Variants in SLC36A1 observed in about 807,000 individuals in gnomAD.
The protein encoded by SLC36A1 is solute carrier family 36 member 1, also known as proton-coupled amino acid transporter 1.
In SLC36A1, 30 loss-of-function variants were observed where a neutral mutation model predicts 47.5. The observed-to-expected ratio is 0.63, with a 90% CI of 0.47 to 0.86. SLC36A1 has a LOEUF of 0.86. Among genes scored for constraint, SLC36A1 ranks in the 40% least tolerant of loss-of-function variants. The pLI, the probability that SLC36A1 is intolerant of heterozygous loss-of-function variation, is 0.00. For missense variants in SLC36A1, 517 were observed against 606.0 expected (o/e 0.85, Z 1.54); for synonymous variants, 255 against 249.7 (o/e 1.02, Z -0.20).
intron 7 of SLC36A1, among the ~76,000 whole-genome samples, chr5:151,470,535 A>C (rs1414447682): frequency 6.6e-6 from 1 of 152,198 alleles, no homozygotes; most frequent in African/African-American, 2.4e-5. Context: ...GCTGTGATCA[A>C]ATAGTGCCGT....
chr5:151,538,648 A>G, the SLC36A1 span, among the ~76,000 whole-genome samples: 2 of 152,170 alleles, frequency 1.3e-5, no homozygotes, highest in South Asian at 2.1e-4. Flanking sequence ...ATGGACCCCT[A>G]CATGCCCTGG....
At chr5:151,353,796 A>C in the SLC36A1 span, among the ~76,000 whole-genome samples, 1 of 152,202 alleles carries the variant, frequency 6.6e-6, no homozygotes, top group South Asian at 2.1e-4. Flanking sequence ...CCAGAATGTC[A>C]TACAGCTAGA....
In SLC36A1 at chr5:151,488,567, C is replaced by T. The variant is rs879135402; in HGVS notation, c.*313C>T. On this transcript the variant is annotated 3_prime_UTR_variant, in exon 11 of 11. Transcript: ENST00000243389. The stretch of plus-strand genomic sequence containing the variant: ...CTGCCTCCCCTCTGCTGGTGCACCT[C>T]GCCCAACTCATTCTTACTGCACAGT... The T allele has an allele frequency of 5.0e-6, 2 of 398,294 alleles. No homozygotes were observed. Among genetic ancestry groups the T allele is most frequent in the Non-Finnish European group, 9.3e-6 (2 of 215,584 alleles). 24.7% of individuals were successfully genotyped at this position (398,294 alleles called of 1,614,324 possible).
chr5:151,500,619 C>T, the SLC36A1 span, among the ~76,000 whole-genome samples: 2 of 152,210 alleles, frequency 1.3e-5, no homozygotes, highest in Admixed American at 6.5e-5. Flanking sequence ...CCAACCACCT[C>T]GGCCTCCCAA....
intron 8 of SLC36A1, among the ~76,000 whole-genome samples, chr5:151,474,992 C>T (rs900472763): frequency 2.6e-4 from 39 of 152,230 alleles, no homozygotes; most frequent in African/African-American, 9.4e-4. Context: ...CACGTTGAAG[C>T]TCTGACATCA....
chr5:151,515,677 C>A, the SLC36A1 span, among the ~76,000 whole-genome samples: 1 of 152,168 alleles, frequency 6.6e-6, no homozygotes, highest in Admixed American at 6.5e-5. Context: ...TTGGCTTTGC[C>A]TTCAAAATCT....
the SLC36A1 span, among the ~76,000 whole-genome samples, chr5:151,506,994 G>C: frequency 3.3e-5 from 5 of 152,212 alleles, no homozygotes; most frequent in Non-Finnish European, 4.4e-5. Flanking sequence ...ATCTGCTCCA[G>C]CATCCGTGCC....
At position 151,489,975 on chromosome 5, in the gene SLC36A1, G is replaced by GGGCTGTGACCCACCCATAT. The variant is rs1759978256; in HGVS notation, c.*1725_*1743dup. The GGGCTGTGACCCACCCATAT allele has an allele frequency of 2.0e-5, 3 of 152,172 alleles. No homozygotes were observed. The highest frequency in any genetic ancestry group is 2.0e-4 in the Admixed American group (3 of 15,276). The allele number at this position is 152,172 out of a possible 1,614,324, so 9.4% of individuals were successfully genotyped here. ...TTCTGTGTTTCGCCAAAGCTCATAA[G>GGGCTGTGACCCACCCATAT]GGCTGTGACCCACCCATATGGCCCC... On this transcript the variant is annotated 3_prime_UTR_variant, in exon 11 of 11. Transcript: ENST00000243389. This position sits in a 1 kb window ranked among gnomAD's most constrained non-coding sequence, Gnocchi z 4.5.
chr5:151,389,412 A>AT, the SLC36A1 span, among the ~76,000 whole-genome samples: 26,330 of 151,106 alleles, frequency 0.17, 2,472 homozygotes, highest in East Asian at 0.37. Context: ...TTTTCTTTTA[A>AT]TTTTTTTTTA....
At chr5:151,450,463 C>G (rs1753481273) in intron 1 of SLC36A1, among the ~76,000 whole-genome samples, 1 of 149,564 alleles carries the variant, frequency 6.7e-6, no homozygotes, top group Non-Finnish European at 1.5e-5. Flanking sequence ...GTGGATGGAG[C>G]AGATGTCCAC....
At chr5:151,455,764 G>C (rs375060531) in intron 1 of SLC36A1, among the ~76,000 whole-genome samples, 1 of 152,200 alleles carries the variant, frequency 6.6e-6, no homozygotes, top group African/African-American at 2.4e-5. Flanking sequence ...GGGGGAGTGC[G>C]TCCTTCGGCC....
chr5:151,419,329 T>C, the SLC36A1 span, among the ~76,000 whole-genome samples: 1 of 152,224 alleles, frequency 6.6e-6, no homozygotes, highest in African/African-American at 2.4e-5. Context: ...CTTTAGGGCC[T>C]GATTTCCCCA....
the SLC36A1 span, among the ~76,000 whole-genome samples, chr5:151,360,532 T>A: frequency 6.6e-6 from 1 of 151,682 alleles, no homozygotes; most frequent in Non-Finnish European, 1.5e-5. Flanking sequence ...GTGGCAGGGG[T>A]GGAAAAAGGT....
chr5:151,489,977 G>A lies in SLC36A1; in HGVS notation c.*1723G>A, dbSNP rs1240532016. 1.3e-5 allele frequency: 2 copies of A among 152,160 alleles called. No homozygotes were observed. The highest frequency in any genetic ancestry group is 1.3e-4 in the Admixed American group (2 of 15,270). 9.4% of individuals were successfully genotyped at this position (152,160 alleles called of 1,614,324 possible). A position where few individuals can be genotyped will look rare whatever the true frequency, so the allele number is the denominator to read the frequency against. On this transcript the variant is annotated 3_prime_UTR_variant, in exon 11 of 11. Transcript: ENST00000243389. This position sits in a 1 kb window ranked among gnomAD's most constrained non-coding sequence, Gnocchi z 4.5. ...CTGTGTTTCGCCAAAGCTCATAAGG[G>A]CTGTGACCCACCCATATGGCCCCAG... is the stretch of plus-strand genomic sequence containing the variant.
chr5:151,533,674 A>AG, the SLC36A1 span, among the ~76,000 whole-genome samples: 35 of 151,942 alleles, frequency 2.3e-4, no homozygotes, highest in Non-Finnish European at 5.0e-4. Flanking sequence ...TTTTTACCCT[A>AG]TCTGAATTAT....
At chr5:151,521,874 G>A in the SLC36A1 span, 2 of 1,614,000 alleles carry the variant, frequency 1.2e-6, no homozygotes, top group Admixed American at 1.7e-5. Context: ...GCCTGCCCAG[G>A]GTCTCCTCTT....
chr5:151,433,235 TATATATATATATATATATATA>T (rs1759486527), upstream of SLC36A1, among the ~76,000 whole-genome samples: 1 of 8,370 alleles, frequency 1.2e-4, no homozygotes, highest in African/African-American at 4.5e-4. Context: ...TATATATATA[TATATATATATATATATATATA>T]TATATATATA....
Position 151,467,833 on chromosome 5 carries a change from A to G in SLC36A1, c.631A>G (p.Ile211Val), listed in dbSNP as rs1756668151. ...GCCCTTCCTGGTGCTGCTGGTTTTC[A>G]TCAGGAACCTCCGAGCCCTGTCCAT... Reference protein sequence around the residue: ...FLPFLVLLVFIRNLRALSIFS... With the variant: ...FLPFLVLLVFVRNLRALSIFS... Residue 211 changes from isoleucine (I) to valine (V), a missense_variant, in exon 7 of 11, where the codon ATC becomes GTC. Ile to Val is a conservative substitution (Grantham distance 29, BLOSUM62 3). Coordinates refer to ENST00000243389, the MANE Select transcript of SLC36A1 (RefSeq NM_078483.4). The G allele has an allele frequency of 1.2e-6, 2 of 1,613,694 alleles. No individual in the cohort carries two copies. The highest frequency in any genetic ancestry group is 3.3e-5 in the Admixed American group (2 of 59,984).
chr5:151,527,129 G>A, the SLC36A1 span: 2 of 1,210,262 alleles, frequency 1.7e-6, no homozygotes, highest in East Asian at 2.4e-5. Context: ...CAGTGGCAAA[G>A]TCACAGTCAT....
Sources: gnomAD v4.1 joint callset for allele counts (sites outside exome capture counted in the v4.1 genomes callset) on GRCh38, gnomAD v4.1.1 for gene constraint, Gnocchi (gnomAD v3.1) non-coding constraint, MANE v1.5 for transcripts, NCBI Gene and HGNC (gene_info 2026-07-23, HGNC 2026-07-21) for gene names.